Variants in DISP1 observed in about 807,000 individuals in gnomAD.
DISP1 encodes protein dispatched homolog 1.
In DISP1, 30 loss-of-function variants were observed where a neutral mutation model predicts 37.3. The observed-to-expected ratio is 0.80, with a 90% CI of 0.60 to 1.09. The LOEUF (loss-of-function observed/expected upper bound fraction) is 1.09, where lower values mean the gene tolerates loss of function less well. Ranked by LOEUF, DISP1 falls within the 50% of genes least tolerant of loss-of-function variation. DISP1 has a pLI of 0.00. For synonymous variants in DISP1, 634 were observed against 690.2 expected (o/e 0.92, Z 1.28); for missense variants, 1,598 against 1,879.5 (o/e 0.85, Z 2.77).
intron 3 of DISP1, among the ~76,000 whole-genome samples, chr1:222,975,217 G>A (rs1369319241): frequency 1.3e-5 from 2 of 151,426 alleles, no homozygotes; most frequent in East Asian, 3.9e-4. Context: ...TAGAGATAGG[G>A]GCTCACTATC....
At chr1:222,946,654 G>A (rs1209040469) in intron 3 of DISP1, among the ~76,000 whole-genome samples, 1 of 152,162 alleles carries the variant, frequency 6.6e-6, no homozygotes, top group Non-Finnish European at 1.5e-5. Flanking sequence ...AAACTAGTAG[G>A]AAGGGAGCCA....
At chr1:222,832,915 A>G (rs563681394) in intron 1 of DISP1, among the ~76,000 whole-genome samples, 1 of 152,220 alleles carries the variant, frequency 6.6e-6, no homozygotes, top group Admixed American at 6.5e-5. Context: ...AAAAATGAAA[A>G]TAAATGTAAG....
At chr1:222,822,053 C>T (rs1663082546) in intron 1 of DISP1, among the ~76,000 whole-genome samples, 1 of 152,090 alleles carries the variant, frequency 6.6e-6, no homozygotes, top group South Asian at 2.1e-4. Context: ...CTCTTGTTTA[C>T]TCTTGTTTGT....
intron 1 of DISP1, among the ~76,000 whole-genome samples, chr1:222,881,602 G>A (rs1468412930): frequency 2.0e-5 from 3 of 152,106 alleles, no homozygotes; most frequent in Non-Finnish European, 4.4e-5. Context: ...TCCTCCTTCA[G>A]TTCTCTTTAC....
chr1:223,005,802 G>C lies in DISP1; in HGVS notation c.4405G>C (p.Gly1469Arg). ...AAAAGTCCTATTTAATCATTTAATGGGGGAGGCTGGTTGTAGGTCTTGCCC... is the reference window on the plus strand; with the variant it reads ...AAAAGTCCTATTTAATCATTTAATGCGGGAGGCTGGTTGTAGGTCTTGCCC... ...EPKVLFNHLM[G>R]EAGCRSCPNN... Residue 1469 changes from glycine to arginine, a missense_variant, in exon 9 of 9, where the codon GGG becomes CGG. Transcript: ENST00000675850. The C allele has an allele frequency of 1.2e-6, 2 of 1,614,184 alleles. No individual in the cohort carries two copies. The highest frequency in any genetic ancestry group is 1.7e-6 in the Non-Finnish European group (2 of 1,180,034).
Position 222,899,730 on chromosome 1 carries a change from TACC to T in DISP1, c.-158-28697_-158-28695del, listed in dbSNP as rs1671477781. On this transcript the variant is annotated intron_variant, in intron 1 of 8. Transcript: ENST00000675850. ...AATACTTGGGATTACAGTCGTGAGC[TACC>T]ACACCCACCTCAGCAAGAGCAAATT... 3 of 152,290 alleles carry T rather than the reference TACC, an allele frequency of 2.0e-5. No individual in the cohort carries two copies. In the South Asian group the frequency reaches 6.2e-4, roughly 32 times the overall value. 9.4% of individuals were successfully genotyped at this position (152,290 alleles called of 1,614,324 possible). A position where few individuals can be genotyped will look rare whatever the true frequency, so the allele number is the denominator to read the frequency against.
chr1:222,827,696 T>C (rs948616638), intron 1 of DISP1: 21 of 152,174 alleles, frequency 1.4e-4, no homozygotes, highest in African/African-American at 5.1e-4. Context: ...AAGCAACAAC[T>C]GGGTTTTATT....
rs540049936 is a variant in DISP1, at chr1:222,994,965, A to G, written c.970A>G (p.Asn324Asp). The G allele has an allele frequency of 5.6e-6, 9 of 1,612,362 alleles. No homozygotes were observed. In the African/African-American group the frequency reaches 1.1e-4, roughly 19 times the overall value. Residue 324 changes from asparagine (N) to aspartate (D), a missense_variant, in exon 8 of 9, where the codon AAT becomes GAT. Asn to Asp is a conservative substitution (Grantham distance 23). Transcript: ENST00000675850. ...TTTACCTGCAATTAAATCAATGTGC[A>G]ATGTAGATAATTCCAGGGTATGTAA... ...WNLPAIKSMCNVDNSRIRSHP... is the reference protein window; with the variant it reads ...WNLPAIKSMCDVDNSRIRSHP...
At chr1:222,912,685 A>T (rs1283101641) in intron 1 of DISP1, among the ~76,000 whole-genome samples, 2 of 152,184 alleles carry the variant, frequency 1.3e-5, no homozygotes, top group African/African-American at 4.8e-5. Flanking sequence ...CTTAAAGGTT[A>T]TAGTGAGTTG....
intron 4 of DISP1, among the ~76,000 whole-genome samples, chr1:222,984,266 G>A (rs1678056508): frequency 6.6e-6 from 1 of 151,738 alleles, no homozygotes; most frequent in African/African-American, 2.4e-5. Context: ...AGTTAGCCAA[G>A]CATTGTGGTT....
chr1:222,871,595 T>C lies in DISP1; in HGVS notation c.-159+56517T>C, dbSNP rs550805746. Among the ~76,000 whole-genome samples, 165 of 152,042 alleles carry C rather than the reference T, an allele frequency of 1.1e-3. 1 individual carries two copies. The South Asian group carries it at 0.011, about 10-fold the overall frequency. ...ACTCATGATTTGGCTCTCTGTCTGT[T>C]ATTGGTGTATAAGAATGCTTGTGAT... On this transcript the variant is annotated intron_variant, in intron 1 of 8. Coordinates refer to ENST00000675850, the MANE Select transcript of DISP1 (RefSeq NM_001377229.1).
chr1:222,936,021 A>G (rs368054978), intron 2 of DISP1, among the ~76,000 whole-genome samples: 22 of 152,350 alleles, frequency 1.4e-4, no homozygotes, highest in East Asian at 7.7e-4. Flanking sequence ...TGGCCTAGCC[A>G]TGGTGACACT....
chr1:222,977,470 C>T (rs1036111405), intron 3 of DISP1, among the ~76,000 whole-genome samples: 1 of 146,550 alleles, frequency 6.8e-6, no homozygotes, highest in African/African-American at 2.5e-5. Context: ...TTTACATGTA[C>T]TTCTTAGATT....
intron 1 of DISP1, among the ~76,000 whole-genome samples, chr1:222,871,193 G>C (rs1669550310): frequency 6.6e-6 from 1 of 152,156 alleles, no homozygotes; most frequent in South Asian, 2.1e-4. Context: ...GGTTACTGTA[G>C]CCTTGTAGTA....
At chr1:222,908,521 C>T (rs1672038298) in intron 1 of DISP1, among the ~76,000 whole-genome samples, 1 of 152,052 alleles carries the variant, frequency 6.6e-6, no homozygotes, top group African/African-American at 2.4e-5. Flanking sequence ...TCAGCCTCCC[C>T]AGTATCTGGG....
At chr1:222,815,444 G>C (rs1388364208) in intron 1 of DISP1, among the ~76,000 whole-genome samples, 6 of 152,108 alleles carry the variant, frequency 3.9e-5, no homozygotes, top group Admixed American at 3.9e-4. Context: ...AGGATGGCAG[G>C]AGATGGCAAA....
chr1:222,910,955 T>G (rs1672173968), intron 1 of DISP1, among the ~76,000 whole-genome samples: 1 of 152,184 alleles, frequency 6.6e-6, no homozygotes, highest in East Asian at 1.9e-4. Flanking sequence ...GGCACTGGGG[T>G]ATCTGTATTG....
At chr1:222,960,794 A>G (rs1675997771) in intron 3 of DISP1, among the ~76,000 whole-genome samples, 1 of 152,126 alleles carries the variant, frequency 6.6e-6, no homozygotes, top group African/African-American at 2.4e-5. Flanking sequence ...ATCACCACTG[A>G]CTCCACAGAA....
intron 1 of DISP1, among the ~76,000 whole-genome samples, chr1:222,822,985 G>T (rs1663330886): frequency 6.6e-6 from 1 of 152,152 alleles, no homozygotes; most frequent in African/African-American, 2.4e-5. Flanking sequence ...TGAATTGTCT[G>T]AGTTAATTCA....
Sources: gnomAD v4.1 joint callset for allele counts (sites outside exome capture counted in the v4.1 genomes callset) on GRCh38, gnomAD v4.1.1 for gene constraint, MANE v1.5 for transcripts, NCBI Gene and HGNC (gene_info 2026-07-23, HGNC 2026-07-21) for gene names.